N4BP2: variants seen among roughly 807,000 people sequenced by gnomAD.
N4BP2 encodes the protein NEDD4 binding protein 2.
N4BP2 carries 91 observed loss-of-function variants against 152.8 expected under a neutral mutation model. The observed-to-expected ratio is 0.60, with a 90% CI of 0.50 to 0.71. The LOEUF (loss-of-function observed/expected upper bound fraction) is 0.71. Among genes scored for constraint, N4BP2 ranks in the 30% least tolerant of loss-of-function variants. The pLI, the probability that N4BP2 is intolerant of heterozygous loss-of-function variation, is 0.00. For synonymous variants in N4BP2, 646 were observed against 705.3 expected, an observed-to-expected ratio of 0.92 and a Z score of 1.33; for missense variants, 1,923 against 2,059.1, an observed-to-expected ratio of 0.93 and a Z score of 1.28.
chr4:40,183,532 T>C, the N4BP2 span, among the ~76,000 whole-genome samples: 1 of 152,180 alleles, frequency 6.6e-6, no homozygotes, highest in Admixed American at 6.5e-5. Context: ...GAGACGGGGT[T>C]TCACCATGTT....
intron 1 of N4BP2, among the ~76,000 whole-genome samples, chr4:40,059,703 A>G (rs1192455157): frequency 1.3e-5 from 2 of 152,208 alleles, no homozygotes; most frequent in Admixed American, 1.3e-4. Context: ...GTAAGCATAC[A>G]TCAAGCCATG....
At chr4:40,112,479 A>C (rs183876153) in intron 6 of N4BP2, among the ~76,000 whole-genome samples, 1 of 152,058 alleles carries the variant, frequency 6.6e-6, no homozygotes, top group African/African-American at 2.4e-5. Flanking sequence ...CCTATGTTAT[A>C]TATATTTATT....
rs760315776 is a variant in N4BP2 at position 40,121,143 on chromosome 4, T to G, written c.3032T>G (p.Val1011Gly). The change falls in exon 9 of 18, where the codon GTA becomes GGA. Residue 1011 changes from valine to glycine, a missense_variant. By Grantham distance (109) the Val-to-Gly change is moderately radical. Transcript: ENST00000261435. ...QMPKRDPGKE[V>G]GMCTQTEPQD... is the part of the protein sequence containing the mutation. Reference sequence around the variant, plus strand: ...CCTAAGAGAGACCCTGGAAAAGAAGTAGGCATGTGCACCCAGACTGAACCA... The same window carrying G: ...CCTAAGAGAGACCCTGGAAAAGAAGGAGGCATGTGCACCCAGACTGAACCA... 6.2e-7 allele frequency: 1 copy of G among 1,614,006 alleles called. No homozygotes were observed. Among genetic ancestry groups the G allele is most frequent in the African/African-American group, 1.3e-5 (1 of 74,930 alleles).
chr4:40,072,000 C>T (rs112236718), intron 1 of N4BP2, among the ~76,000 whole-genome samples: 8,164 of 152,166 alleles, frequency 0.054, 278 homozygotes, highest in Non-Finnish European at 0.068. Flanking sequence ...CTCTGCCTCC[C>T]GGGTTCAAGC....
In N4BP2 at chr4:40,085,224, A is replaced by G. The variant is rs375544445; in HGVS notation, c.-115+11673A>G. Among the ~76,000 whole-genome samples, 198 of 151,594 alleles carry G rather than the reference A, an allele frequency of 1.3e-3. 3 individuals are homozygous for G. The South Asian group carries it at 0.03, about 23-fold the overall frequency. ...CCACACCCGGCCAATTTATATTTTT[A>G]GTAGAGATGGGGTTTGGCCATGTTG... On this transcript the variant is annotated intron_variant, in intron 2 of 17. Transcript: ENST00000261435.
chr4:40,144,455 A>G (rs1299538150), intron 15 of N4BP2, among the ~76,000 whole-genome samples, 177 bp from the exon 16 acceptor site: 1 of 152,240 alleles, frequency 6.6e-6, no homozygotes, highest in East Asian at 1.9e-4. Context: ...TTATTAAGTC[A>G]CTGAAATTTA....
At chr4:40,168,174 ATGAGG>A in the N4BP2 span, among the ~76,000 whole-genome samples, 1 of 152,152 alleles carries the variant, frequency 6.6e-6, no homozygotes, top group Non-Finnish European at 1.5e-5. Flanking sequence ...AAGAAAATTA[ATGAGG>A]TAAGTTTAAT....
the N4BP2 span, among the ~76,000 whole-genome samples, chr4:40,190,275 A>G: frequency 6.6e-6 from 1 of 152,238 alleles, no homozygotes; most frequent in African/African-American, 2.4e-5. Context: ...TTCAGTAAAT[A>G]TTTGTTGAAT....
chr4:40,171,894 C>A, the N4BP2 span, among the ~76,000 whole-genome samples: 3 of 151,996 alleles, frequency 2.0e-5, no homozygotes, highest in African/African-American at 7.3e-5. Context: ...AGATGGAGGC[C>A]GGGAGACTAA....
chr4:40,131,732 A>G (rs1269538808), intron 12 of N4BP2, 69 bp from the exon 13 acceptor site: 2 of 1,126,522 alleles, frequency 1.8e-6, no homozygotes, highest in East Asian at 4.7e-5. Flanking sequence ...CAAGTTAACC[A>G]TGCCTTTGGT....
chr4:40,071,353 G>A (rs1712162887), intron 1 of N4BP2, among the ~76,000 whole-genome samples: 1 of 152,132 alleles, frequency 6.6e-6, no homozygotes, highest in African/African-American at 2.4e-5. Context: ...AGGTTAAACA[G>A]TTTTGGAAGA....
chr4:40,181,004 G>A, the N4BP2 span, among the ~76,000 whole-genome samples: 1 of 152,076 alleles, frequency 6.6e-6, no homozygotes, highest in Admixed American at 6.5e-5. Flanking sequence ...ACAAAAATTA[G>A]CCGGGCATGG....
intron 2 of N4BP2, among the ~76,000 whole-genome samples, chr4:40,079,737 G>C (rs549086518): frequency 1.1e-3 from 175 of 152,244 alleles, no homozygotes; most frequent in Admixed American, 2.4e-3. Context: ...GGGCAGTTGA[G>C]GCTGTGGTGA....
chr4:40,113,384 T>G (rs770416440), intron 6 of N4BP2, 48 bp from the exon 7 acceptor site: 4 of 1,307,562 alleles, frequency 3.1e-6, no homozygotes, highest in East Asian at 4.6e-5. Flanking sequence ...TAATTTTAAT[T>G]TCTTGGAAAT....
chr4:40,174,659 C>T, the N4BP2 span, among the ~76,000 whole-genome samples: 29 of 151,996 alleles, frequency 1.9e-4, no homozygotes, highest in African/African-American at 6.3e-4. Flanking sequence ...AAAAATTAGG[C>T]GGTGTAGTGG....
chr4:40,058,589 C>G (rs963349183), intron 1 of N4BP2, among the ~76,000 whole-genome samples: 3 of 152,034 alleles, frequency 2.0e-5, no homozygotes, highest in Non-Finnish European at 2.9e-5. Context: ...CGTACGAATG[C>G]CAGTTTGTGT....
chr4:40,139,580 C>T (rs918034079), intron 14 of N4BP2, among the ~76,000 whole-genome samples: 1 of 150,128 alleles, frequency 6.7e-6, no homozygotes, highest in Admixed American at 6.6e-5. Flanking sequence ...CAACCTGTGC[C>T]CTCTGAGTTC....
At chr4:40,188,015 G>T in the N4BP2 span, among the ~76,000 whole-genome samples, 1 of 152,172 alleles carries the variant, frequency 6.6e-6, no homozygotes, top group Non-Finnish European at 1.5e-5. Flanking sequence ...CAAAGGAAAA[G>T]GTTTCTTCTG....
At chr4:40,160,474 G>T (rs1721829007), downstream of N4BP2, among the ~76,000 whole-genome samples, 1 of 152,174 alleles carries the variant, frequency 6.6e-6, no homozygotes, top group Admixed American at 6.5e-5. Context: ...GGAGCGAGCT[G>T]CAGCTCCTAG....
Sources: allele counts gnomAD v4.1 joint callset (sites outside exome capture counted in the v4.1 genomes callset), GRCh38; gene constraint gnomAD v4.1.1; transcripts MANE v1.5; gene names NCBI Gene and HGNC (gene_info 2026-07-23, HGNC 2026-07-21).